NRK: variants seen among roughly 807,000 people sequenced by gnomAD.
NRK encodes the protein nik-related protein kinase.
NRK carries 67 observed loss-of-function variants against 125.2 expected under a neutral mutation model. The observed-to-expected ratio is 0.54, with a 90% confidence interval of 0.44 to 0.66. The LOEUF (loss-of-function observed/expected upper bound fraction) is 0.66, where lower values mean the gene tolerates loss of function less well. Among genes scored for constraint, NRK ranks in the 30% least tolerant of loss-of-function variants. The probability of loss-of-function intolerance (pLI) is 0.00; values close to 1 mark genes in which losing one functional copy is unlikely to be tolerated. For missense variants in NRK, 1,224 were observed against 1,192.9 expected (o/e 1.03, Z -0.38); for synonymous variants, 458 against 429.0 (o/e 1.07, Z -0.84).
Position 105,949,566 on chromosome X carries a change from T to G in NRK, c.4354-9T>G. ...TGGACATATAAATCTTTATGAAACA[T>G]AATTCCAGCCCCTGGAAATCATTAT... On this transcript the variant is annotated splice_polypyrimidine_tract_variant and intron_variant, in intron 26 of 28. Transcript: ENST00000243300. 8.5e-7 allele frequency: 1 copy of G among 1,179,348 alleles called. No individual in the cohort carries two copies. Among genetic ancestry groups the G allele is most frequent in the Non-Finnish European group, 1.2e-6 (1 of 869,082 alleles).
chrX:105,834,763 T>G (rs2039240850), intron 2 of NRK, among the ~76,000 whole-genome samples: 1 of 110,653 alleles, frequency 9.0e-6, no homozygotes, highest in South Asian at 3.8e-4. Flanking sequence ...TTTTTTTCTA[T>G]CTTCACTTTC....
At chrX:105,939,840 G>T (rs958436118) in intron 22 of NRK, 34 bp from the exon 23 acceptor site, 12 of 869,284 alleles carry the variant, frequency 1.4e-5, no homozygotes, top group Middle Eastern at 2.8e-4. Flanking sequence ...AAGAAAGACT[G>T]ATTTTAAATA....
At position 105,946,419 on chromosome X, in the gene NRK, C is replaced by G; in HGVS notation, c.4308C>G (p.Ile1436Met). ...FFSSADGYHL[I>M]DAESEVMSDV... ...GCTCAGCAGATGGATATCACCTCAT[C>G]GATGCAGAATCTGAGGTTATGTCTG... Residue 1436 changes from isoleucine to methionine, a missense_variant, in exon 26 of 29, where the codon ATC (isoleucine) becomes ATG (methionine). By Grantham distance (10) the Ile-to-Met change is conservative. Coordinates refer to ENST00000243300, the MANE Select transcript of NRK (RefSeq NM_198465.4). 2.5e-6 allele frequency: 3 copies of G among 1,196,209 alleles called. No homozygotes were observed. Among genetic ancestry groups the G allele is most frequent in the Non-Finnish European group, 3.4e-6 (3 of 882,308 alleles).
chrX:105,895,672 A>C (rs2040073598), intron 7 of NRK, 149 bp downstream of exon 7: 1 of 436,889 alleles, frequency 2.3e-6, no homozygotes, highest in African/African-American at 2.5e-5. Context: ...TCAAAATTTG[A>C]AAATTTGTTT....
At chrX:105,932,227 C>G (rs1226187618) in intron 19 of NRK, among the ~76,000 whole-genome samples, 2 of 111,828 alleles carry the variant, frequency 1.8e-5, no homozygotes, top group Non-Finnish European at 3.8e-5. Context: ...ATCCATTTAT[C>G]TACTGATGGA....
intron 8 of NRK, among the ~76,000 whole-genome samples, chrX:105,899,946 C>T (rs758393332): frequency 1.1e-4 from 12 of 109,059 alleles, no homozygotes; most frequent in African/African-American, 3.7e-4. Context: ...CCAGCCTGGG[C>T]GACAGAGTGA....
chrX:105,830,351 A>G (rs2039173934), intron 1 of NRK, among the ~76,000 whole-genome samples: 1 of 104,820 alleles, frequency 9.5e-6, no homozygotes, highest in South Asian at 4.4e-4. Context: ...AAAAAGAAGA[A>G]GAATATTAAA....
chrX:105,911,768 T>A (rs911651530), intron 13 of NRK, among the ~76,000 whole-genome samples: 11 of 111,753 alleles, frequency 9.8e-5, no homozygotes, highest in Non-Finnish European at 1.9e-4. Flanking sequence ...ATCAATTAGA[T>A]CTAATGGGTT....
In NRK at chrX:105,949,751, TTTC is replaced by T. The variant is rs762013912; in HGVS notation, c.4513+24_4513+26del. 9.0e-7 allele frequency: 1 copy of T among 1,105,453 alleles called. No homozygotes were observed. The highest frequency in any genetic ancestry group is 2.2e-5 in the South Asian group (1 of 46,369). The allele number at this position is 1,105,453 out of a possible 1,213,427, so 91.1% of individuals were successfully genotyped here. ...CTTCTATAGGTATGTATACAATTTA[TTTC>T]TTCTTCAGGACCCCAGAGAAAATTT... On this transcript the variant is annotated intron_variant, in intron 27 of 28. Transcript: ENST00000243300.
chrX:105,889,739 A>G (rs893713553), intron 5 of NRK, among the ~76,000 whole-genome samples: 7 of 112,467 alleles, frequency 6.2e-5, no homozygotes, highest in African/African-American at 2.3e-4. Context: ...CAACAGCCCA[A>G]GCTGTACCTT....
At chrX:105,916,161 A>G (rs964172135) in intron 15 of NRK, among the ~76,000 whole-genome samples, 9 of 111,378 alleles carry the variant, frequency 8.1e-5, no homozygotes, top group African/African-American at 2.9e-4. Flanking sequence ...AAACACACAC[A>G]CCAATTGTCT....
chrX:105,915,094 G>T (rs945551356), intron 14 of NRK, among the ~76,000 whole-genome samples: 3 of 109,216 alleles, frequency 2.7e-5, no homozygotes, highest in African/African-American at 1.0e-4. Context: ...TTAGTAAAAT[G>T]CAAATTAATC....
intron 9 of NRK, 101 bp from the exon 10 acceptor site, chrX:105,905,164 C>T: frequency 1.7e-6 from 1 of 589,941 alleles, no homozygotes. Flanking sequence ...GTCTACTCAA[C>T]ATAATATGTG....
chrX:105,849,156 T>A (rs1021220156), intron 2 of NRK, among the ~76,000 whole-genome samples: 1 of 111,638 alleles, frequency 9.0e-6, no homozygotes. Flanking sequence ...GGCATCCAAA[T>A]CATGGTGGGA....
At chrX:105,932,003 G>T (rs1011828873) in intron 19 of NRK, among the ~76,000 whole-genome samples, 9 of 110,074 alleles carry the variant, frequency 8.2e-5, no homozygotes, top group African/African-American at 2.7e-4. Flanking sequence ...ATTAAGTCTT[G>T]TTTCCCCCCT....
intron 28 of NRK, among the ~76,000 whole-genome samples, chrX:105,954,007 A>C (rs73535221): frequency 0.11 from 12,582 of 110,489 alleles, 1,803 homozygotes; most frequent in African/African-American, 0.4. Flanking sequence ...CCTAGAATGC[A>C]GTCCTGGCTC....
At chrX:105,880,113 A>C (rs1167418591) in intron 2 of NRK, 86 bp from the exon 3 acceptor site, 1 of 380,857 alleles carries the variant, frequency 2.6e-6, no homozygotes, top group African/African-American at 2.7e-5. Context: ...ATTCGACACT[A>C]ATTTTAATAT....
intron 19 of NRK, 98 bp downstream of exon 19, chrX:105,925,129 A>T: frequency 3.2e-6 from 2 of 628,139 alleles, no homozygotes; most frequent in Non-Finnish European, 5.0e-6. Flanking sequence ...ATAGATTTTC[A>T]TCATATACCC....
intron 2 of NRK, among the ~76,000 whole-genome samples, chrX:105,864,644 T>G (rs1195058459): frequency 1.8e-5 from 2 of 111,506 alleles, no homozygotes; most frequent in African/African-American, 3.3e-5. Flanking sequence ...TTTTATGATT[T>G]AATTTGGTGA....
Sources: allele counts gnomAD v4.1 joint callset (sites outside exome capture counted in the v4.1 genomes callset), GRCh38; gene constraint gnomAD v4.1.1; transcripts MANE v1.5; gene names NCBI Gene and HGNC (gene_info 2026-07-23, HGNC 2026-07-21).